The following RP1 variants were observed in gnomAD, a reference collection of about 807,000 sequenced individuals.
RP1 encodes the protein RP1 axonemal microtubule associated.
A neutral mutation model predicts 14.8 loss-of-function variants in RP1; 16 were observed. The ratio of observed to expected loss-of-function variants is 1.08; its 90% CI spans 0.73 to 1.65. The LOEUF is 1.65. RP1 is among the 40% of genes most tolerant of loss of function. The pLI, the probability that RP1 is intolerant of heterozygous loss-of-function variation, is 0.00. For synonymous variants in RP1, 876 were observed against 883.6 expected (o/e 0.99, Z 0.15); for missense variants, 2,631 against 2,535.0 (o/e 1.04, Z -0.81).
intron 1 of RP1, among the ~76,000 whole-genome samples, chr8:54,583,754 T>A (rs1417073634): frequency 6.6e-6 from 1 of 152,248 alleles, no homozygotes; most frequent in Non-Finnish European, 1.5e-5. Flanking sequence ...GAGGAATTTA[T>A]CCATTTCTTC....
At chr8:54,599,096 T>A (rs897912338) in intron 1 of RP1, among the ~76,000 whole-genome samples, 1 of 152,226 alleles carries the variant, frequency 6.6e-6, no homozygotes, top group African/African-American at 2.4e-5. Context: ...TCTTTTGTTA[T>A]AGTTCTGCAA....
intron 22 of RP1, among the ~76,000 whole-genome samples, chr8:54,759,928 T>C (rs1331914797): frequency 6.6e-6 from 1 of 152,080 alleles, no homozygotes; most frequent in African/African-American, 2.4e-5. Flanking sequence ...ATCCTCTTTT[T>C]CCAAATAGGT....
chr8:54,849,592 G>C (rs1027515468), intron 25 of RP1, among the ~76,000 whole-genome samples: 1 of 152,220 alleles, frequency 6.6e-6, no homozygotes, highest in African/African-American at 2.4e-5. Flanking sequence ...AATGCTTGGA[G>C]TTGAGGCTGA....
At chr8:54,730,644 C>A (rs1212562719) in intron 17 of RP1, among the ~76,000 whole-genome samples, 4 of 151,980 alleles carry the variant, frequency 2.6e-5, no homozygotes, top group Admixed American at 2.0e-4. Context: ...ATCTTTCAAC[C>A]AAGACACAGA....
intron 1 of RP1, among the ~76,000 whole-genome samples, chr8:54,576,954 A>G (rs748880404): frequency 6.6e-6 from 1 of 152,160 alleles, no homozygotes; most frequent in Non-Finnish European, 1.5e-5. Context: ...TTTCTTTGTA[A>G]TGTATGCTGT....
At position 54,747,618 on chromosome 8, in the gene RP1, C is replaced by A. The variant is rs1487722361; in HGVS notation, c.2809-7185C>A. On this transcript the variant is annotated intron_variant, in intron 19 of 22. Transcript: ENST00000636932. ...ACAAATATTTATAATATGTGAAGTA[C>A]GGCTGGGTGCATTGGCTCATGCCTG... 3.3e-5 allele frequency among the ~76,000 whole-genome samples: 5 copies of A among 152,284 alleles called. 1 individual carries two copies. In the South Asian group the frequency reaches 1.0e-3, roughly 32 times the overall value.
rs1805710490 is a variant in RP1, at chr8:54,616,158, T to C, written c.-57T>C. ...CATTTATTTGAGCTATTTAAACAAC[T>C]TAAACATCTTTTTCTTTTCTTAATA... On this transcript the variant is annotated 5_prime_UTR_variant, in exon 1 of 4. Transcript: ENST00000220676. The C allele has an allele frequency of 6.6e-6, 1 of 152,234 alleles. No individual in the cohort carries two copies. Among genetic ancestry groups the C allele is most frequent in the African/African-American group, 2.4e-5 (1 of 41,470 alleles). 9.4% of individuals were successfully genotyped at this position (152,234 alleles called of 1,614,324 possible). A position where few individuals can be genotyped will look rare whatever the true frequency, so the allele number is the denominator to read the frequency against.
At chr8:54,706,225 G>T (rs1169522967) in intron 14 of RP1, among the ~76,000 whole-genome samples, 1 of 152,042 alleles carries the variant, frequency 6.6e-6, no homozygotes, top group East Asian at 1.9e-4. Flanking sequence ...TCTCATGCTG[G>T]CCTTTATACT....
chr8:54,622,085 C>T (rs1805895682), intron 2 of RP1, 32 bp from the exon 3 acceptor site: 1 of 1,609,854 alleles, frequency 6.2e-7, no homozygotes, highest in Non-Finnish European at 8.5e-7. Context: ...AAAATGTGCT[C>T]ATCTCAGGAT....
intron 22 of RP1, among the ~76,000 whole-genome samples, chr8:54,761,645 G>T (rs1466384969): frequency 2.0e-5 from 3 of 152,054 alleles, no homozygotes; most frequent in South Asian, 2.1e-4. Context: ...GTATCTGAAA[G>T]AATTTTAGTT....
chr8:54,648,062 C>T (rs1806583993), intron 3 of RP1, among the ~76,000 whole-genome samples: 2 of 152,010 alleles, frequency 1.3e-5, no homozygotes, highest in Non-Finnish European at 2.9e-5. Flanking sequence ...GGCAGTTCCC[C>T]CTTCGCGTGT....
chr8:54,779,767 T>C (rs922831902), intron 23 of RP1, among the ~76,000 whole-genome samples: 5 of 152,184 alleles, frequency 3.3e-5, no homozygotes, highest in Non-Finnish European at 4.4e-5. Context: ...CAGGGATACA[T>C]GAAAGAGGTG....
rs1191660367 is a variant in RP1 at position 54,636,592 on chromosome 8, G to T, written c.788-12393G>T. Reference sequence around the variant, plus strand: ...TTCTTTACTAAAAATATAAAAATTAGCTGGGCCTGGTCGTGGGCGCCTGTA... The same window carrying T: ...TTCTTTACTAAAAATATAAAAATTATCTGGGCCTGGTCGTGGGCGCCTGTA... On this transcript the variant is annotated intron_variant, in intron 3 of 22. Coordinates refer to the RP1 transcript ENST00000636932. Among the ~76,000 whole-genome samples the T allele has an allele frequency of 2.0e-5, 3 of 152,074 alleles. No homozygotes were observed. In the East Asian group the frequency reaches 5.8e-4, roughly 29 times the overall value.
Position 54,734,178 on chromosome 8 carries a change from T to C in RP1, c.2522-367T>C, listed in dbSNP as rs117548670. 7.5e-3 allele frequency among the ~76,000 whole-genome samples: 1,146 copies of C among 152,298 alleles called. 6 individuals are homozygous for C. The highest frequency in any genetic ancestry group is 0.013 in the Non-Finnish European group (883 of 68,022). ...AATTCCCCTTTTTTGTTACTTTATA[T>C]GGTGGTAGTTCTATATAAAATATGT... On this transcript the variant is annotated intron_variant, in intron 17 of 22. Transcript: ENST00000636932.
Position 54,863,671 on chromosome 8 carries a change from C to T in RP1, c.4070-2164C>T, listed in dbSNP as rs561123841. Among the ~76,000 whole-genome samples, 201 of 152,302 alleles carry T rather than the reference C, an allele frequency of 1.3e-3. 2 individuals carry two copies. The highest frequency in any genetic ancestry group is 4.6e-3 in the African/African-American group (190 of 41,572). Reference sequence around the variant, plus strand: ...CTTTATTTTATACAAGAAGTCATTGCTTTGCATGGAATCTATATGCACAAA... The same window carrying T: ...CTTTATTTTATACAAGAAGTCATTGTTTTGCATGGAATCTATATGCACAAA... On this transcript the variant is annotated intron_variant, in intron 27 of 28. Coordinates refer to the RP1 transcript ENST00000637698.
At chr8:54,592,159 T>A (rs1015592811) in intron 1 of RP1, among the ~76,000 whole-genome samples, 1 of 152,240 alleles carries the variant, frequency 6.6e-6, no homozygotes, top group African/African-American at 2.4e-5. Flanking sequence ...GAATCCCTTT[T>A]TGAGTTTAAT....
chr8:54,641,680 C>A (rs1011026241), intron 3 of RP1, among the ~76,000 whole-genome samples: 1 of 152,028 alleles, frequency 6.6e-6, no homozygotes, highest in Non-Finnish European at 1.5e-5. Context: ...CATGAGAATG[C>A]GTGGTCTAAT....
intron 24 of RP1, among the ~76,000 whole-genome samples, chr8:54,825,346 C>T (rs1811363893): frequency 6.6e-6 from 1 of 152,124 alleles, no homozygotes; most frequent in Non-Finnish European, 1.5e-5. Flanking sequence ...CTTCAACGTT[C>T]TTATTCAATA....
At chr8:54,801,836 T>A (rs1282492256) in intron 24 of RP1, among the ~76,000 whole-genome samples, 2 of 152,200 alleles carry the variant, frequency 1.3e-5, no homozygotes, top group Non-Finnish European at 2.9e-5. Context: ...AAGAAACCTG[T>A]CTCTCTCCAG....
Sources: gnomAD v4.1 joint callset for allele counts (sites outside exome capture counted in the v4.1 genomes callset) on GRCh38, gnomAD v4.1.1 for gene constraint, MANE v1.5 for transcripts, NCBI Gene and HGNC (gene_info 2026-07-23, HGNC 2026-07-21) for gene names.